SLC4A1: variants seen among roughly 807,000 people sequenced by gnomAD.
The protein encoded by SLC4A1 is band 3 anion transport protein.
SLC4A1 carries 29 observed loss-of-function variants against 93.1 expected under a neutral mutation model. The ratio of observed to expected loss-of-function variants is 0.31; its 90% CI spans 0.23 to 0.42. SLC4A1 has a LOEUF of 0.42. Ranked by LOEUF, SLC4A1 falls within the 20% of genes least tolerant of loss-of-function variation. SLC4A1 has a pLI of 1.00. For missense variants in SLC4A1, 965 were observed against 1,190.1 expected, an observed-to-expected ratio of 0.81 and a Z score of 2.78; for synonymous variants, 469 against 497.2, an observed-to-expected ratio of 0.94 and a Z score of 0.76.
intron 17 of SLC4A1, 152 bp from the exon 18 acceptor site, chr17:44,251,740 G>A: frequency 3.9e-6 from 1 of 254,894 alleles, no homozygotes; most frequent in East Asian, 7.4e-5. Context: ...TTTTTTTTTT[G>A]TTTTTTTTTT....
intron 6 of SLC4A1, 130 bp downstream of exon 6, chr17:44,260,274 T>G: frequency 7.9e-6 from 9 of 1,136,070 alleles, no homozygotes; most frequent in Non-Finnish European, 1.0e-5. Context: ...ATGGGAGCCA[T>G]AGTGGAGGAA....
Position 44,249,023 on chromosome 17 carries a change from A to G in SLC4A1, c.*1435T>C. 2.9e-6 allele frequency: 1 copy of G among 347,280 alleles called. No homozygotes were observed. Among genetic ancestry groups the G allele is most frequent in the South Asian group, 2.1e-5 (1 of 46,998 alleles). 21.5% of individuals were successfully genotyped at this position (347,280 alleles called of 1,614,324 possible). ...TACAGGTGCCTGCCACGAGACACCCAGCTAATTTTTGTATTTTTAGTAGTA... is the reference window on the plus strand; with the variant it reads ...TACAGGTGCCTGCCACGAGACACCCGGCTAATTTTTGTATTTTTAGTAGTA... On this transcript the variant is annotated 3_prime_UTR_variant, in exon 20 of 20. Coordinates refer to ENST00000262418, the MANE Select transcript of SLC4A1 (RefSeq NM_000342.4).
chr17:44,251,042 T>C, intron 19 of SLC4A1, 117 bp downstream of exon 19: 1 of 1,164,350 alleles, frequency 8.6e-7, no homozygotes, highest in Non-Finnish European at 1.2e-6. Context: ...GGCCAGAACC[T>C]GGACACCAGC....
In SLC4A1 at chr17:44,260,714, C is replaced by T; in HGVS notation, c.270G>A (p.Glu90=). ...GGTGCGGGCGGCCCCAGGCCCCATTCTCCCCCAGGTTCTCCTCCAGTTGCA... is the reference window on the plus strand; with the variant it reads ...GGTGCGGGCGGCCCCAGGCCCCATTTTCCCCCAGGTTCTCCTCCAGTTGCA... ...RWVQLEENLG[E]NGAWGRPHLS... Residue 90 remains glutamate, a synonymous_variant, in exon 5 of 20, where the codon GAG becomes GAA. Transcript: ENST00000262418. The T allele has an allele frequency of 6.2e-7, 1 of 1,614,184 alleles. No individual in the cohort carries two copies. Among genetic ancestry groups the T allele is most frequent in the Non-Finnish European group, 8.5e-7 (1 of 1,180,036 alleles).
chr17:44,262,539 G>A, intron 3 of SLC4A1, 97 bp downstream of exon 3: 2 of 873,022 alleles, frequency 2.3e-6, no homozygotes, highest in Non-Finnish European at 3.7e-6. Flanking sequence ...TGGTGCTTGG[G>A]AGGAGGACTG....
At position 44,260,727 on chromosome 17, in the gene SLC4A1, T is replaced by C; in HGVS notation, c.257A>G (p.Glu86Gly). 1 of 1,613,592 alleles carries C rather than the reference T, an allele frequency of 6.2e-7. No individual in the cohort carries two copies. The highest frequency in any genetic ancestry group is 8.5e-7 in the Non-Finnish European group (1 of 1,179,480). The change falls in exon 5 of 20, where the codon GAG becomes GGG. Residue 86 changes from glutamate to glycine, a missense_variant. This residue lies in a region of SLC4A1 where 195 missense variants were observed against 183.5 expected (regional missense o/e 1.06). Coordinates refer to ENST00000262418, the MANE Select transcript of SLC4A1 (RefSeq NM_000342.4). ...MEAARWVQLE[E>G]NLGENGAWGR... ...CCAGGCCCCATTCTCCCCCAGGTTCTCCTCCAGTTGCACCCAGCGCGCCGC... is the reference window on the plus strand; with the variant it reads ...CCAGGCCCCATTCTCCCCCAGGTTCCCCTCCAGTTGCACCCAGCGCGCCGC...
At chr17:44,257,324 G>A (rs755491164) in intron 13 of SLC4A1, 26 bp downstream of exon 13, 1 of 1,606,028 alleles carries the variant, frequency 6.2e-7, no homozygotes, top group African/African-American at 1.3e-5. Flanking sequence ...CCTCCCGTGT[G>A]CATTAACATC....
At chr17:44,262,171 G>A (rs887074320) in intron 3 of SLC4A1, 12 of 609,272 alleles carry the variant, frequency 2.0e-5, no homozygotes, top group South Asian at 1.7e-4. Context: ...CAGCACTTAA[G>A]TCCTGTTGAC....
intron 14 of SLC4A1, among the ~76,000 whole-genome samples, 164 bp from the exon 15 acceptor site, chr17:44,255,460 C>T (rs991769100): frequency 2.6e-4 from 40 of 152,160 alleles, no homozygotes; most frequent in African/African-American, 9.2e-4. Context: ...TTCTTCTTCC[C>T]CCAGCAGTTC....
intron 4 of SLC4A1, 129 bp from the exon 5 acceptor site, chr17:44,260,944 C>A: frequency 1.0e-6 from 1 of 1,002,666 alleles, no homozygotes; most frequent in Non-Finnish European, 1.5e-6. Flanking sequence ...GTAGATACGG[C>A]TCACACCACT....
intron 13 of SLC4A1, among the ~76,000 whole-genome samples, chr17:44,256,707 C>A (rs976071230): frequency 6.6e-6 from 1 of 152,224 alleles, no homozygotes; most frequent in Non-Finnish European, 1.5e-5. Flanking sequence ...CCATTGCTCA[C>A]GTCATGTGTG....
Position 44,253,285 on chromosome 17 carries a change from A to G in SLC4A1, c.2144T>C (p.Val715Ala). ...DLLLVVGMGG[V>A]AALFGMPWLS... Reference sequence around the variant, plus strand: ...CCAGGGCATCCCAAAGAGGGCGGCCACCCCACCCATGCCTACTACCAGCAG... The same window carrying G: ...CCAGGGCATCCCAAAGAGGGCGGCCGCCCCACCCATGCCTACTACCAGCAG... The change falls in exon 17 of 20, where the codon GTG (valine) becomes GCG (alanine). Residue 715 changes from valine to alanine, a missense_variant. Transcript: ENST00000262418. 1 of 1,613,702 alleles carries G rather than the reference A, an allele frequency of 6.2e-7. No homozygotes were observed. Among genetic ancestry groups the G allele is most frequent in the Non-Finnish European group, 8.5e-7 (1 of 1,179,928 alleles).
chr17:44,257,896 C>G (rs1207865651), intron 11 of SLC4A1, 89 bp from the exon 12 acceptor site: 4 of 1,607,136 alleles, frequency 2.5e-6, no homozygotes, highest in Non-Finnish European at 3.4e-6. Flanking sequence ...ATGCAGGGGT[C>G]TGGAGGGTCA....
rs1047758100 is a variant in SLC4A1 at position 44,261,578 on chromosome 17, G to A, written c.165C>T (p.His55=). 4.3e-6 allele frequency: 7 copies of A among 1,614,092 alleles called. No individual in the cohort carries two copies. In the African/African-American group the frequency reaches 9.3e-5, roughly 22 times the overall value. ...DYHTTSHPGT[H]KVYVELQELV... ...CGGAGGAGGCTGGGGTCCTCACCTTGTGGGTACCCGGGTGTGATGTGGTGT... is the reference window on the plus strand; with the variant it reads ...CGGAGGAGGCTGGGGTCCTCACCTTATGGGTACCCGGGTGTGATGTGGTGT... Residue 55 remains histidine, a synonymous_variant, in exon 4 of 20, where the codon CAC becomes CAT. Coordinates refer to ENST00000262418, the MANE Select transcript of SLC4A1 (RefSeq NM_000342.4).
At chr17:44,266,147 G>C (rs1317070398) in intron 1 of SLC4A1, among the ~76,000 whole-genome samples, 3 of 152,098 alleles carry the variant, frequency 2.0e-5, no homozygotes, top group Non-Finnish European at 4.4e-5. Context: ...GTGCGGGGGA[G>C]GGGTCCTGGA....
intron 1 of SLC4A1, among the ~76,000 whole-genome samples, chr17:44,265,104 G>T (rs1367844205): frequency 7.3e-6 from 1 of 136,230 alleles, no homozygotes; most frequent in South Asian, 2.6e-4. Context: ...CTGGTGGGAG[G>T]GGGTGCTGAG....
At position 44,259,343 on chromosome 17, in the gene SLC4A1, G is replaced by A. The variant is rs748181631; in HGVS notation, c.696C>T (p.Gly232=). The A allele has an allele frequency of 1.9e-6, 3 of 1,613,480 alleles. No homozygotes were observed. Among genetic ancestry groups the A allele is most frequent in the Non-Finnish European group, 2.5e-6 (3 of 1,179,822 alleles). The change falls in exon 9 of 20, where the codon GGC becomes GGT. Residue 232 remains glycine (G), a splice_region_variant and synonymous_variant. Transcript: ENST00000262418. ...CCGGCTGCTCCAGGAAGTCGGCGCG[G>A]CCTGTTAGGGGATGAGAAGATCAGG... The part of the protein sequence containing the change: ...PDSEATLVLV[G]RADFLEQPVL...
chr17:44,267,700 G>C (rs2047505949), intron 1 of SLC4A1, among the ~76,000 whole-genome samples: 1 of 152,142 alleles, frequency 6.6e-6, no homozygotes, highest in Admixed American at 6.5e-5. Flanking sequence ...GGTGGTCTGA[G>C]GACCCCATTA....
At position 44,258,350 on chromosome 17, in the gene SLC4A1, CT is replaced by C. The variant is rs879173958; in HGVS notation, c.1087+62del. The C allele has an allele frequency of 2.9e-4, 438 of 1,520,430 alleles. 4 individuals carry two copies. In the South Asian group the frequency reaches 4.7e-3, roughly 16 times the overall value. The allele number at this position is 1,520,430 out of a possible 1,614,324, so 94.2% of individuals were successfully genotyped here. A position where few individuals can be genotyped will look rare whatever the true frequency, so the allele number is the denominator to read the frequency against. The stretch of plus-strand genomic sequence containing the variant: ...GGGAACATGTGATGGGAGACAGAGG[CT>C]ACGCTGAGGTGTCTGGGGGTCGGTG... On this transcript the variant is annotated intron_variant, in intron 10 of 19. Coordinates refer to ENST00000262418, the MANE Select transcript of SLC4A1 (RefSeq NM_000342.4). The surrounding 1 kb of genome is among the most constrained non-coding windows in gnomAD (Gnocchi z 6.1).
Sources: gnomAD v4.1 joint callset for allele counts (sites outside exome capture counted in the v4.1 genomes callset) on GRCh38, gnomAD v4.1.1 for gene constraint, gnomAD v4.1.1 regional missense constraint, Gnocchi (gnomAD v3.1) non-coding constraint, MANE v1.5 for transcripts, NCBI Gene and HGNC (gene_info 2026-07-23, HGNC 2026-07-21) for gene names.